EIF2D: variants seen among roughly 807,000 people sequenced by gnomAD.
EIF2D encodes the protein eukaryotic translation initiation factor 2D, also known as hepatocellular carcinoma-associated antigen 56.
A neutral mutation model predicts 77.4 loss-of-function variants in EIF2D; 56 were observed. The observed-to-expected ratio is 0.72, with a 90% CI of 0.58 to 0.90. The LOEUF is 0.90. Ranked by LOEUF, EIF2D falls within the 40% of genes least tolerant of loss-of-function variation. EIF2D has a pLI of 0.00. For missense variants in EIF2D, 574 were observed against 706.5 expected, an observed-to-expected ratio of 0.81 and a Z score of 2.13; for synonymous variants, 230 against 271.0, an observed-to-expected ratio of 0.85 and a Z score of 1.49.
intron 1 of EIF2D, 66 bp downstream of exon 1, chr1:206,612,221 T>A: frequency 1.9e-6 from 3 of 1,607,254 alleles, no homozygotes. Flanking sequence ...GCGAGGGCTA[T>A]GGGCCAGCGG....
At chr1:206,595,571 G>T in intron 13 of EIF2D, 147 bp downstream of exon 13, 1 of 997,182 alleles carries the variant, frequency 1.0e-6, no homozygotes, top group Non-Finnish European at 1.4e-6. Context: ...ACAGAGCCCA[G>T]CCCAGGCACA....
Position 206,607,012 on chromosome 1 carries a change from C to T in EIF2D, c.422+1224G>A, listed in dbSNP as rs539474513. Among the ~76,000 whole-genome samples, 28 of 152,250 alleles carry T rather than the reference C, an allele frequency of 1.8e-4. No homozygotes were observed. In the East Asian group the frequency reaches 5.4e-3, roughly 29 times the overall value. On this transcript the variant is annotated intron_variant, in intron 4 of 14. Coordinates refer to ENST00000271764, the MANE Select transcript of EIF2D (RefSeq NM_006893.3). ...TCTGGAAAAATACTAGCAACAGTGT[C>T]CCTAGAGGCATCAATAAGATAACGT...
In EIF2D at chr1:206,591,786, T is replaced by C. The variant is rs1669346272; in HGVS notation, c.1744A>G (p.Lys582Glu). Residue 582 changes from lysine to glutamate, a missense_variant, in exon 15 of 15, where the codon AAG becomes GAG. Coordinates refer to ENST00000271764, the MANE Select transcript of EIF2D (RefSeq NM_006893.3). Reference sequence around the variant, plus strand: ...GACAAAAGAGTCTGTCACTTCTTCTTGCCAGGTTTGAGGGCCTTTTCTAGA... The same window carrying C: ...GACAAAAGAGTCTGTCACTTCTTCTCGCCAGGTTTGAGGGCCTTTTCTAGA... ...QGLEKALKPG[K>E]KK 1.2e-6 allele frequency: 2 copies of C among 1,614,220 alleles called. No homozygotes were observed. The highest frequency in any genetic ancestry group is 4.5e-5 in the East Asian group (2 of 44,896).
intron 13 of EIF2D, chr1:206,594,431 T>C (rs1669535646): frequency 6.6e-6 from 1 of 152,238 alleles, no homozygotes; most frequent in Admixed American, 6.5e-5. Context: ...AAGAAAAATG[T>C]TAGTGCTTTT....
At chr1:206,603,331 C>T in intron 5 of EIF2D, 127 bp from the exon 6 acceptor site, 1 of 1,318,414 alleles carries the variant, frequency 7.6e-7, no homozygotes, top group Non-Finnish European at 1.0e-6. Context: ...CAGGAGGGGG[C>T]AGAGAGCCTG....
At chr1:206,609,968 G>C (rs1409214707) in intron 2 of EIF2D, among the ~76,000 whole-genome samples, 2 of 152,134 alleles carry the variant, frequency 1.3e-5, no homozygotes, top group African/African-American at 4.8e-5. Flanking sequence ...GACAACCCTG[G>C]AGGATGAAAA....
intron 4 of EIF2D, among the ~76,000 whole-genome samples, chr1:206,577,868 G>A (rs1666884027): frequency 1.3e-5 from 2 of 152,204 alleles, no homozygotes; most frequent in Admixed American, 6.5e-5. Flanking sequence ...TATGATGTAA[G>A]TCATTAAAGA....
intron 13 of EIF2D, 96 bp from the exon 14 acceptor site, chr1:206,593,889 T>C (rs1669508623): frequency 1.8e-6 from 2 of 1,089,780 alleles, no homozygotes; most frequent in South Asian, 1.7e-5. Flanking sequence ...TGAGCCCCTG[T>C]GTTCTCTGAT....
At chr1:206,586,168 G>A (rs1472359714) in intron 2 of EIF2D, 1 of 152,356 alleles carries the variant, frequency 6.6e-6, no homozygotes, top group African/African-American at 2.4e-5. Context: ...GACCAAACCA[G>A]ATAAACCTTA....
Position 206,602,382 on chromosome 1 carries a change from G to A in EIF2D, c.856C>T (p.Pro286Ser). 2.5e-6 allele frequency: 4 copies of A among 1,614,212 alleles called. No individual in the cohort carries two copies. The highest frequency in any genetic ancestry group is 3.4e-6 in the Non-Finnish European group (4 of 1,180,036). Residue 286 changes from proline to serine, a missense_variant, in exon 7 of 15, where the codon CCT becomes TCT. Pro to Ser is a moderately conservative substitution (Grantham distance 74). Coordinates refer to ENST00000271764, the MANE Select transcript of EIF2D (RefSeq NM_006893.3). ...LKCRVKKADL[P>S]LLTSTFLGSH... The stretch of plus-strand genomic sequence containing the variant: ...CCAAGGAAAGTGCTGGTGAGTAAAG[G>A]GAGGTCAGCCTTTTTGACTCGGCAC...
intron 2 of EIF2D, among the ~76,000 whole-genome samples, chr1:206,610,179 A>G (rs1190611335): frequency 3.3e-5 from 5 of 152,328 alleles, no homozygotes; most frequent in African/African-American, 1.2e-4. Flanking sequence ...CTATCACAGT[A>G]TATCTTTTCA....
chr1:206,602,937 T>C lies in EIF2D; in HGVS notation c.784+14A>G, dbSNP rs1553411666. On this transcript the variant is annotated intron_variant, in intron 6 of 14. Transcript: ENST00000271764. ...GAGGTGGGGAGATGGGCTCTTCTCCTCCTAGAGTTATACCTTGAAGCGTTT... is the reference window on the plus strand; with the variant it reads ...GAGGTGGGGAGATGGGCTCTTCTCCCCCTAGAGTTATACCTTGAAGCGTTT... The C allele has an allele frequency of 6.2e-7, 1 of 1,613,470 alleles. No homozygotes were observed. The highest frequency in any genetic ancestry group is 1.1e-5 in the South Asian group (1 of 91,040).
downstream of EIF2D, among the ~76,000 whole-genome samples, chr1:206,569,386 G>A (rs567565094): frequency 7.2e-5 from 11 of 152,326 alleles, no homozygotes; most frequent in African/African-American, 2.4e-4. Flanking sequence ...GTCTTGTTAT[G>A]TAGATGAAAC....
Position 206,599,061 on chromosome 1 carries a change from G to A in EIF2D, c.1234C>T (p.Arg412Ter), listed in dbSNP as rs139900838. Reference protein sequence around the residue: ...KGSFLEGSEVRTIVINYAKKN... With the variant: ...KGSFLEGSEV Reference sequence around the variant, plus strand: ...TTGGCGTAGTTAATGACGATCGTTCGGACCTCACTGCCCTCCAGAAAGCTC... The same window carrying A: ...TTGGCGTAGTTAATGACGATCGTTCAGACCTCACTGCCCTCCAGAAAGCTC... Residue 412 changes from arginine (R) to a stop codon, truncating the protein, a stop_gained, in exon 11 of 15, where the codon CGA becomes TGA. Transcript: ENST00000271764. LOFTEE classifies it high-confidence loss of function. This position sits in a 1 kb window ranked among gnomAD's most constrained non-coding sequence, Gnocchi z 4.1. 3.7e-6 allele frequency: 6 copies of A among 1,614,084 alleles called. No individual in the cohort carries two copies. Among genetic ancestry groups the A allele is most frequent in the South Asian group, 1.1e-5 (1 of 91,072 alleles).
At chr1:206,591,975 C>A in intron 14 of EIF2D, 130 bp from the exon 15 acceptor site, 1 of 793,646 alleles carries the variant, frequency 1.3e-6, no homozygotes, top group Non-Finnish European at 2.2e-6. Context: ...TGACCACTTA[C>A]GCCTACACCT....
intron 4 of EIF2D, among the ~76,000 whole-genome samples, chr1:206,577,289 A>G (rs1398559878): frequency 6.6e-6 from 1 of 152,186 alleles, no homozygotes; most frequent in African/African-American, 2.4e-5. Context: ...AACAAACTCT[A>G]TGGGCATGTG....
At chr1:206,586,954 A>T, downstream of EIF2D, 1 of 1,614,220 alleles carries the variant, frequency 6.2e-7, no homozygotes, top group Non-Finnish European at 8.5e-7. Flanking sequence ...AGGCCTTAAG[A>T]GAATCCCAGG....
intron 4 of EIF2D, among the ~76,000 whole-genome samples, chr1:206,607,825 G>A (rs1670273458): frequency 6.6e-6 from 1 of 152,050 alleles, no homozygotes; most frequent in Non-Finnish European, 1.5e-5. Context: ...TATGAATAAA[G>A]TCTGTAGTTT....
downstream of EIF2D, among the ~76,000 whole-genome samples, chr1:206,570,731 T>C (rs1229629594): frequency 1.3e-5 from 2 of 152,138 alleles, no homozygotes; most frequent in African/African-American, 4.8e-5. Flanking sequence ...GTGTCAGAAT[T>C]TCCTTCCCTT....
Sources: gnomAD v4.1 joint callset for allele counts (sites outside exome capture counted in the v4.1 genomes callset) on GRCh38, gnomAD v4.1.1 for gene constraint, Gnocchi (gnomAD v3.1) non-coding constraint, MANE v1.5 for transcripts, NCBI Gene and HGNC (gene_info 2026-07-23, HGNC 2026-07-21) for gene names.